The following CACNA1C variants were observed in gnomAD, a reference collection of about 807,000 sequenced individuals.
CACNA1C encodes the protein calcium voltage-gated channel subunit alpha1 C.
In CACNA1C, 30 loss-of-function variants were observed where a neutral mutation model predicts 229.0. That is an observed-to-expected ratio of 0.13 (90% CI 0.10 to 0.18). The LOEUF (loss-of-function observed/expected upper bound fraction) is 0.18. Among genes scored for constraint, CACNA1C ranks in the 10% least tolerant of loss-of-function variants. The pLI is 1.00. For synonymous variants in CACNA1C, 1,114 were observed against 1,132.5 expected (o/e 0.98, Z 0.33); for missense variants, 1,658 against 2,845.0 (o/e 0.58, Z 9.49).
At chr12:2,466,854 C>G (rs187651855) in intron 5 of CACNA1C, among the ~76,000 whole-genome samples, 43 of 152,230 alleles carry the variant, frequency 2.8e-4, no homozygotes, top group African/African-American at 9.1e-4. Flanking sequence ...CAGGCTGTAC[C>G]CTCACTGCTT....
At chr12:2,238,508 A>T (rs1010146996) in intron 3 of CACNA1C, among the ~76,000 whole-genome samples, 3 of 152,208 alleles carry the variant, frequency 2.0e-5, no homozygotes, top group Admixed American at 2.0e-4. Context: ...AATCATGTTG[A>T]ATCTTACAGA....
chr12:2,117,237 C>T (rs1565800097), intron 2 of CACNA1C, among the ~76,000 whole-genome samples: 1 of 152,058 alleles, frequency 6.6e-6, no homozygotes, highest in Non-Finnish European at 1.5e-5. Context: ...TGCCACTGCA[C>T]TCCAGCCTGA....
intron 30 of CACNA1C, among the ~76,000 whole-genome samples, chr12:2,634,898 C>T (rs1342092447): frequency 6.6e-6 from 1 of 152,202 alleles, no homozygotes; most frequent in Non-Finnish European, 1.5e-5. Flanking sequence ...TCAGCCATAG[C>T]CCACCCTCGC....
intron 3 of CACNA1C, among the ~76,000 whole-genome samples, chr12:2,315,793 T>G (rs1225631448): frequency 6.6e-6 from 1 of 152,178 alleles, no homozygotes; most frequent in Non-Finnish European, 1.5e-5. Context: ...AAAATACAAT[T>G]AAGAGTTTTG....
chr12:2,226,123 GCGCACACACA>G (rs1566518432), intron 3 of CACNA1C, among the ~76,000 whole-genome samples: 1 of 92,900 alleles, frequency 1.1e-5, no homozygotes. Context: ...ATATGGGGAC[GCGCACACACA>G]CACACACACA....
At chr12:2,528,737 G>A (rs1242689635) in intron 9 of CACNA1C, among the ~76,000 whole-genome samples, 3 of 152,230 alleles carry the variant, frequency 2.0e-5, no homozygotes, top group Non-Finnish European at 4.4e-5. Flanking sequence ...TGGGATAGAG[G>A]AGCAAGGTCC....
intron 3 of CACNA1C, among the ~76,000 whole-genome samples, chr12:2,200,793 A>T (rs2097560498): frequency 6.6e-6 from 1 of 152,182 alleles, no homozygotes; most frequent in Admixed American, 6.5e-5. Flanking sequence ...GGACCCCTCC[A>T]GATGAGCTGG....
intron 3 of CACNA1C, among the ~76,000 whole-genome samples, chr12:2,210,786 CA>C (rs1266754225): frequency 6.6e-6 from 1 of 152,150 alleles, no homozygotes; most frequent in Non-Finnish European, 1.5e-5. Flanking sequence ...CTTTCTTGAT[CA>C]TCTGCCAGGA....
intron 3 of CACNA1C, among the ~76,000 whole-genome samples, chr12:2,432,546 C>T (rs182304334): frequency 3.9e-5 from 6 of 152,254 alleles, no homozygotes; most frequent in Admixed American, 3.3e-4. Context: ...CTCTTGCTAC[C>T]TTGGGGATTA....
chr12:2,314,918 GA>G (rs1253973857), intron 3 of CACNA1C, among the ~76,000 whole-genome samples: 4 of 152,158 alleles, frequency 2.6e-5, no homozygotes, highest in Non-Finnish European at 5.9e-5. Context: ...TTGCAACTGA[GA>G]AGTTTTTTCA....
chr12:2,266,436 C>T (rs1203076403), intron 3 of CACNA1C, among the ~76,000 whole-genome samples: 1 of 152,204 alleles, frequency 6.6e-6, no homozygotes, highest in African/African-American at 2.4e-5. Flanking sequence ...CTGCAGTGAC[C>T]CTCTCGTGCT....
intron 1 of CACNA1C, among the ~76,000 whole-genome samples, chr12:1,975,491 T>C (rs538636705): frequency 6.6e-6 from 1 of 152,220 alleles, no homozygotes; most frequent in African/African-American, 2.4e-5. Flanking sequence ...TTACTATAGA[T>C]AAAGGGTAGG....
rs1565987778 is a variant in CACNA1C, at chr12:2,034,827, G to A, written c.139+63626G>A. On this transcript the variant is annotated intron_variant, in intron 1 of 46. Coordinates refer to the CACNA1C transcript ENST00000682462. This position sits in a 1 kb window ranked among gnomAD's most constrained non-coding sequence, Gnocchi z 4.1. ...CAAGGAATCTATAGATGGGAATGGG[G>A]AGAGACAGGCAGACAGGTGATTTTC... 6.6e-6 allele frequency among the ~76,000 whole-genome samples: 1 copy of A among 152,224 alleles called. No individual in the cohort carries two copies. Among genetic ancestry groups the A allele is most frequent in the Non-Finnish European group, 1.5e-5 (1 of 68,044 alleles).
intron 1 of CACNA1C, among the ~76,000 whole-genome samples, chr12:2,103,908 A>G (rs902105641): frequency 6.6e-6 from 1 of 152,028 alleles, no homozygotes; most frequent in African/African-American, 2.4e-5. Flanking sequence ...ATTATTTCTG[A>G]GGGCCTCTGT....
intron 18 of CACNA1C, among the ~76,000 whole-genome samples, chr12:2,592,170 G>A (rs888816048): frequency 1.2e-4 from 18 of 152,188 alleles, no homozygotes; most frequent in African/African-American, 4.3e-4. Context: ...AGTTTGTTAG[G>A]GAATAATAGG....
In CACNA1C at chr12:2,488,656, A is replaced by G. The variant is rs2099706117; in HGVS notation, c.916+2394A>G. ...CAGAAGAGAAGTAGGCTCCCATCAC[A>G]GAAATGGCCATGAGCCAAGGGGGCC... On this transcript the variant is annotated intron_variant, in intron 6 of 46. Coordinates refer to ENST00000399655, the MANE Select transcript of CACNA1C (RefSeq NM_000719.7). This position sits in a 1 kb window ranked among gnomAD's most constrained non-coding sequence, Gnocchi z 4.0. Among the ~76,000 whole-genome samples, 1 of 152,244 alleles carries G rather than the reference A, an allele frequency of 6.6e-6. No homozygotes were observed.
At chr12:2,036,606 C>T (rs1384337763) in intron 1 of CACNA1C, among the ~76,000 whole-genome samples, 2 of 152,140 alleles carry the variant, frequency 1.3e-5, no homozygotes, top group Non-Finnish European at 2.9e-5. Context: ...GCTGCGATTA[C>T]AGGCATGCGC....
At chr12:2,176,810 C>T (rs567199288) in intron 3 of CACNA1C, among the ~76,000 whole-genome samples, 3 of 152,280 alleles carry the variant, frequency 2.0e-5, no homozygotes, top group South Asian at 2.1e-4. Flanking sequence ...GTGGGATACA[C>T]GAGGACAATG....
rs766551799 is a variant in CACNA1C at position 2,550,077 on chromosome 12, G to T, written c.1481+44G>T. On this transcript the variant is annotated intron_variant, in intron 10 of 46. Transcript: ENST00000399655. ...CCCAGGGGCTGGGGCTTTTTCTGGA[G>T]CATGGGTGGAAAAGCTGCATCTGGA... 25 of 1,306,038 alleles carry T rather than the reference G, an allele frequency of 1.9e-5. No individual in the cohort carries two copies. In the Admixed American group the frequency reaches 4.3e-4, roughly 22 times the overall value. 80.9% of individuals were successfully genotyped at this position (1,306,038 alleles called of 1,614,324 possible).
Sources: allele counts gnomAD v4.1 joint callset (sites outside exome capture counted in the v4.1 genomes callset), GRCh38; gene constraint gnomAD v4.1.1; non-coding constraint Gnocchi (gnomAD v3.1); transcripts MANE v1.5; gene names NCBI Gene and HGNC (gene_info 2026-07-23, HGNC 2026-07-21).